The following PACRG variants were observed in gnomAD, a reference collection of about 807,000 sequenced individuals.
The protein encoded by PACRG is parkin coregulated.
PACRG carries 29 observed loss-of-function variants against 29.7 expected under a neutral mutation model. That is an observed-to-expected ratio of 0.98 (90% CI 0.73 to 1.33). The LOEUF is 1.33. PACRG is among the 40% of genes most tolerant of loss of function. The probability of loss-of-function intolerance (pLI) is 0.00; values close to 1 mark genes in which losing one functional copy is unlikely to be tolerated. For synonymous variants in PACRG, 116 were observed against 118.7 expected, an observed-to-expected ratio of 0.98 and a Z score of 0.15; for missense variants, 279 against 316.2, an observed-to-expected ratio of 0.88 and a Z score of 0.89.
intron 4 of PACRG, among the ~76,000 whole-genome samples, chr6:163,100,268 A>G (rs1381751813): frequency 6.6e-6 from 1 of 151,986 alleles, no homozygotes. Context: ...CCCATCACGC[A>G]GGGTCAAAAA....
At chr6:163,008,315 C>T (rs1407876388) in intron 2 of PACRG, among the ~76,000 whole-genome samples, 1 of 152,024 alleles carries the variant, frequency 6.6e-6, no homozygotes, top group African/African-American at 2.4e-5. Context: ...TAATGTCTTC[C>T]GAAATCAAAG....
At chr6:163,074,896 A>T (rs527462851) in intron 3 of PACRG, among the ~76,000 whole-genome samples, 1 of 152,208 alleles carries the variant, frequency 6.6e-6, no homozygotes, top group South Asian at 2.1e-4. Flanking sequence ...TGGGAGGCTG[A>T]GGTGGGAGGA....
chr6:163,208,485 C>A (rs572807412), intron 4 of PACRG, among the ~76,000 whole-genome samples: 3 of 151,974 alleles, frequency 2.0e-5, no homozygotes, highest in South Asian at 2.1e-4. Context: ...TAAATCAATT[C>A]TGTGATTAAA....
At chr6:163,272,892 C>CTTTTTTTTTTT (rs200076248) in intron 4 of PACRG, among the ~76,000 whole-genome samples, 20,115 of 107,770 alleles carry the variant, frequency 0.19, 3,745 homozygotes, top group Non-Finnish European at 0.23. Flanking sequence ...ATGCATCATT[C>CTTTTTTTTTTT]TTTTTTTTTT....
chr6:162,843,074 C>T (rs1179960231), intron 2 of PACRG, among the ~76,000 whole-genome samples: 1 of 148,900 alleles, frequency 6.7e-6, no homozygotes, highest in Non-Finnish European at 1.5e-5. Flanking sequence ...AATTATGTGT[C>T]TTGGAGTTGG....
At chr6:162,922,686 A>C (rs1797151646) in intron 2 of PACRG, among the ~76,000 whole-genome samples, 1 of 151,986 alleles carries the variant, frequency 6.6e-6, no homozygotes, top group African/African-American at 2.4e-5. Flanking sequence ...TCTGTGCATG[A>C]CTTATTTCCC....
Position 162,863,551 on chromosome 6 carries a change from G to C in PACRG, c.291+49270G>C, listed in dbSNP as rs549525153. Among the ~76,000 whole-genome samples, 4 of 152,326 alleles carry C rather than the reference G, an allele frequency of 2.6e-5. No homozygotes were observed. The South Asian group carries it at 8.3e-4, about 32-fold the overall frequency. On this transcript the variant is annotated intron_variant, in intron 2 of 4. Coordinates refer to ENST00000366888, the MANE Select transcript of PACRG (RefSeq NM_001080379.2). The stretch of plus-strand genomic sequence containing the variant: ...CTGCATAGCAGAGGCTAAGCTACAG[G>C]CTGGGTACCACTGAGCAGTGGAGTA...
chr6:162,780,113 C>G (rs1015888665), intron 1 of PACRG, among the ~76,000 whole-genome samples: 1 of 152,180 alleles, frequency 6.6e-6, no homozygotes, highest in Non-Finnish European at 1.5e-5. Context: ...AGGAAACTAA[C>G]AGAGGCAGGG....
At chr6:163,144,227 T>TCAAAA (rs1368337922) in intron 4 of PACRG, among the ~76,000 whole-genome samples, 1 of 57,720 alleles carries the variant, frequency 1.7e-5, no homozygotes, top group Non-Finnish European at 3.7e-5. Context: ...AGACTCCGTC[T>TCAAAA]CAAAACAAAA....
At chr6:162,825,731 C>G (rs138263794) in intron 2 of PACRG, among the ~76,000 whole-genome samples, 1 of 152,094 alleles carries the variant, frequency 6.6e-6, no homozygotes, top group Non-Finnish European at 1.5e-5. Flanking sequence ...GGGAGGCCCT[C>G]GCGGCCTGGG....
intron 4 of PACRG, chr6:163,310,946 C>T (rs1467939652): frequency 6.6e-6 from 1 of 152,222 alleles, no homozygotes; most frequent in Non-Finnish European, 1.5e-5. Context: ...GACCAGAGAC[C>T]GGGATAGACA....
At chr6:162,885,063 A>G (rs1794215919) in intron 2 of PACRG, among the ~76,000 whole-genome samples, 1 of 152,124 alleles carries the variant, frequency 6.6e-6, no homozygotes, top group Non-Finnish European at 1.5e-5. Flanking sequence ...TTGCCCATTA[A>G]AAAAGCCACC....
chr6:163,172,786 A>T lies in PACRG; in HGVS notation c.613+83378A>T, dbSNP rs1779150799. Among the ~76,000 whole-genome samples, 4 of 152,248 alleles carry T rather than the reference A, an allele frequency of 2.6e-5. No individual in the cohort carries two copies. The South Asian group carries it at 8.3e-4, about 32-fold the overall frequency. On this transcript the variant is annotated intron_variant, in intron 4 of 4. Coordinates refer to ENST00000366888, the MANE Select transcript of PACRG (RefSeq NM_001080379.2). Reference sequence around the variant, plus strand: ...ACTGGTGTGCCAATTAGGTTTTAAAATATTAAAAAACTTGACCTAATCATT... The same window carrying T: ...ACTGGTGTGCCAATTAGGTTTTAAATTATTAAAAAACTTGACCTAATCATT...
intron 2 of PACRG, among the ~76,000 whole-genome samples, chr6:162,875,138 C>T (rs577469381): frequency 6.7e-6 from 1 of 149,966 alleles, no homozygotes; most frequent in Admixed American, 6.7e-5. Context: ...TGCACATTCA[C>T]ACGCAGACAT....
intron 2 of PACRG, among the ~76,000 whole-genome samples, chr6:162,974,203 A>G (rs1411197687): frequency 6.6e-6 from 1 of 152,170 alleles, no homozygotes; most frequent in Non-Finnish European, 1.5e-5. Context: ...TTGCAGATGG[A>G]GGGCGGCTGC....
intron 4 of PACRG, among the ~76,000 whole-genome samples, chr6:163,132,149 A>C (rs1329014295): frequency 6.6e-6 from 1 of 152,252 alleles, no homozygotes; most frequent in Admixed American, 6.5e-5. Flanking sequence ...ATCTGAAAAT[A>C]AGATTTATTT....
At chr6:163,059,064 A>G (rs2128258561) in intron 2 of PACRG, among the ~76,000 whole-genome samples, 1 of 151,584 alleles carries the variant, frequency 6.6e-6, no homozygotes, top group Admixed American at 6.6e-5. Context: ...GGGCAACAAG[A>G]GCAAAACTCC....
At chr6:163,227,540 G>A (rs772997021) in intron 4 of PACRG, among the ~76,000 whole-genome samples, 2 of 152,230 alleles carry the variant, frequency 1.3e-5, no homozygotes, top group African/African-American at 4.8e-5. Flanking sequence ...CGAGAGGACT[G>A]TAAGCCATTC....
At chr6:163,300,770 A>T (rs13208521) in intron 4 of PACRG, among the ~76,000 whole-genome samples, 31,708 of 144,680 alleles carry the variant, frequency 0.22, 3,814 homozygotes, top group African/African-American at 0.3. Flanking sequence ...AAGCACAAGT[A>T]TCAGGTGTGC....
Sources: allele counts gnomAD v4.1 joint callset (sites outside exome capture counted in the v4.1 genomes callset), GRCh38; gene constraint gnomAD v4.1.1; transcripts MANE v1.5; gene names NCBI Gene and HGNC (gene_info 2026-07-23, HGNC 2026-07-21).